Variants in TNR observed in about 807,000 individuals in gnomAD.
TNR encodes tenascin R.
Under a neutral mutation model 150.4 loss-of-function variants are expected in TNR, and 45 were observed. That is an observed-to-expected ratio of 0.30 (90% CI 0.24 to 0.38). The LOEUF (loss-of-function observed/expected upper bound fraction) is 0.38. TNR is among the 10% of genes least tolerant of loss of function. The pLI is 1.00. For synonymous variants in TNR, 687 were observed against 678.4 expected (o/e 1.01, Z -0.20); for missense variants, 1,544 against 1,759.1 (o/e 0.88, Z 2.19).
intron 1 of TNR, among the ~76,000 whole-genome samples, chr1:175,593,147 G>T (rs1040949107): frequency 1.3e-5 from 2 of 152,312 alleles, no homozygotes; most frequent in Admixed American, 6.5e-5. Context: ...GTAGCAATCT[G>T]GTTGGGAGGC....
intron 1 of TNR, among the ~76,000 whole-genome samples, chr1:175,639,695 C>G (rs1049038734): frequency 6.6e-6 from 1 of 152,208 alleles, no homozygotes; most frequent in Non-Finnish European, 1.5e-5. Flanking sequence ...ATGACCTCAT[C>G]CTGGCTAACT....
intron 21 of TNR, among the ~76,000 whole-genome samples, chr1:175,324,953 T>G (rs1407986798): frequency 1.3e-5 from 2 of 152,178 alleles, no homozygotes; most frequent in Non-Finnish European, 2.9e-5. Context: ...TTACCAGGCC[T>G]GCTCAGATGA....
At chr1:175,707,148 A>G (rs544424520) in intron 1 of TNR, among the ~76,000 whole-genome samples, 21 of 152,338 alleles carry the variant, frequency 1.4e-4, no homozygotes, top group Admixed American at 2.6e-4. Flanking sequence ...TTAATTTCAA[A>G]AATAGACATA....
chr1:175,682,939 A>G (rs769791575), intron 1 of TNR, among the ~76,000 whole-genome samples: 5 of 152,168 alleles, frequency 3.3e-5, no homozygotes, highest in Non-Finnish European at 5.9e-5. Context: ...TAGAGCCAGG[A>G]AAGTCCACAA....
At chr1:175,716,341 A>G (rs1244682269) in intron 1 of TNR, among the ~76,000 whole-genome samples, 5 of 152,266 alleles carry the variant, frequency 3.3e-5, no homozygotes, top group Non-Finnish European at 7.4e-5. Context: ...AACTCAAGAC[A>G]TCTCAAATCC....
Position 175,386,125 on chromosome 1 carries a change from G to C in TNR, c.1684C>G (p.Gln562Glu). 1 of 1,613,542 alleles carries C rather than the reference G, an allele frequency of 6.2e-7. No homozygotes were observed. The highest frequency in any genetic ancestry group is 8.5e-7 in the Non-Finnish European group (1 of 1,179,596). Residue 562 changes from glutamine (Q) to glutamate (E), a missense_variant, in exon 8 of 23, where the codon CAG becomes GAG. By Grantham distance (29) the Gln-to-Glu change is conservative. This residue lies in a region of TNR where 1,254 missense variants were observed against 1,329.4 expected (regional missense o/e 0.94). Coordinates refer to ENST00000367674, the MANE Select transcript of TNR (RefSeq NM_003285.3). ...TATCGGGAGCCAGGCCGCAGGGCCT[G>C]CACTGAGTATTGGCTCAGGGGAGGC... ...LQPPLSQYSV[Q>E]ALRPGSRYEV...
rs1056764864 is a variant in TNR at position 175,323,582 on chromosome 1, C to A, written c.3958-106G>T. 6.8e-6 allele frequency: 10 copies of A among 1,472,512 alleles called. No individual in the cohort carries two copies. The South Asian group carries it at 1.2e-4, about 18-fold the overall frequency. The allele number at this position is 1,472,512 out of a possible 1,614,324, so 91.2% of individuals were successfully genotyped here. A position where few individuals can be genotyped will look rare whatever the true frequency, so the allele number is the denominator to read the frequency against. ...CAGGGAATCCACAATGTGGGGTTAG[C>A]TATTTTCAGCTAACATGAAGCTTCA... On this transcript the variant is annotated intron_variant, in intron 22 of 22. Transcript: ENST00000367674.
chr1:175,636,421 T>A (rs1330231724), intron 1 of TNR, among the ~76,000 whole-genome samples: 1 of 152,020 alleles, frequency 6.6e-6, no homozygotes, highest in East Asian at 1.9e-4. Flanking sequence ...CTCATAGTCT[T>A]TCCTTGAGAG....
intron 1 of TNR, among the ~76,000 whole-genome samples, chr1:175,632,952 G>A (rs1364428344): frequency 6.6e-6 from 1 of 152,154 alleles, no homozygotes; most frequent in African/African-American, 2.4e-5. Flanking sequence ...ATAGTCTTTG[G>A]TGGAGTTCTT....
chr1:175,415,288 C>A (rs1055700048), intron 2 of TNR, among the ~76,000 whole-genome samples: 3 of 152,138 alleles, frequency 2.0e-5, no homozygotes, highest in African/African-American at 7.2e-5. Context: ...TCAGTGGAGG[C>A]AGCGCTGGGC....
chr1:175,449,096 TCTGAA>T (rs147526492), intron 2 of TNR, among the ~76,000 whole-genome samples: 1,868 of 152,330 alleles, frequency 0.012, 38 homozygotes, highest in African/African-American at 0.041. Context: ...CTGCAAAGAC[TCTGAA>T]CTGTCTTATC....
chr1:175,493,566 C>CT (rs1363044655), intron 2 of TNR, among the ~76,000 whole-genome samples: 1 of 152,270 alleles, frequency 6.6e-6, no homozygotes, highest in African/African-American at 2.4e-5. Context: ...GAAGCAGCGG[C>CT]TAGCTTTCCA....
chr1:175,416,466 C>T (rs1317590202), intron 2 of TNR, among the ~76,000 whole-genome samples: 1 of 152,170 alleles, frequency 6.6e-6, no homozygotes. Flanking sequence ...AAGCACCTGA[C>T]CTTTTGCTAT....
intron 1 of TNR, among the ~76,000 whole-genome samples, chr1:175,729,028 T>G (rs1667554112): frequency 6.6e-6 from 1 of 152,150 alleles, no homozygotes. Flanking sequence ...AAAGGAGAAC[T>G]GCAAGGGCCT....
At position 175,317,271 on chromosome 1, in the gene TNR, C is replaced by G. The variant is rs1269227257; in HGVS notation, c.*6086G>C. The G allele has an allele frequency of 6.6e-6, 1 of 152,214 alleles. No individual in the cohort carries two copies. The allele number at this position is 152,214 out of a possible 1,614,324, so 9.4% of individuals were successfully genotyped here. Reference sequence around the variant, plus strand: ...GCCTATACCAGACCCGAACTCAGCTCTGTTACTAATTGCCTGTGTGAATGT... The same window carrying G: ...GCCTATACCAGACCCGAACTCAGCTGTGTTACTAATTGCCTGTGTGAATGT... On this transcript the variant is annotated 3_prime_UTR_variant, in exon 23 of 23. Transcript: ENST00000367674.
intron 1 of TNR, among the ~76,000 whole-genome samples, chr1:175,706,956 C>T (rs1439374022): frequency 6.6e-6 from 1 of 152,116 alleles, no homozygotes; most frequent in Admixed American, 6.5e-5. Flanking sequence ...TTGCACAGGT[C>T]AGAAGCAACC....
At position 175,403,636 on chromosome 1, in the gene TNR, G is replaced by A. The variant is rs778291139; in HGVS notation, c.500-20C>T. On this transcript the variant is annotated intron_variant, in intron 3 of 22. Transcript: ENST00000367674. Reference sequence around the variant, plus strand: ...GTTGTCCTGGAATGGTCAAGGAGAAGGTCAAAGAGCAGCAGTGGCCTCTCC... The same window carrying A: ...GTTGTCCTGGAATGGTCAAGGAGAAAGTCAAAGAGCAGCAGTGGCCTCTCC... 5.7e-6 allele frequency: 9 copies of A among 1,591,148 alleles called. No individual in the cohort carries two copies. The highest frequency in any genetic ancestry group is 1.7e-5 in the Admixed American group (1 of 59,318).
chr1:175,409,134 C>G (rs553294762), intron 2 of TNR, among the ~76,000 whole-genome samples: 1 of 152,366 alleles, frequency 6.6e-6, no homozygotes, highest in East Asian at 1.9e-4. Flanking sequence ...TTCTACCCTC[C>G]TATCATTGAA....
intron 2 of TNR, among the ~76,000 whole-genome samples, chr1:175,469,693 C>T (rs1007853785): frequency 6.6e-6 from 1 of 151,994 alleles, no homozygotes; most frequent in Admixed American, 6.6e-5. Context: ...GCTTGGAAGG[C>T]AGGCTAAGGT....
Sources: gnomAD v4.1 joint callset for allele counts (sites outside exome capture counted in the v4.1 genomes callset) on GRCh38, gnomAD v4.1.1 for gene constraint, gnomAD v4.1.1 regional missense constraint, MANE v1.5 for transcripts, NCBI Gene and HGNC (gene_info 2026-07-23, HGNC 2026-07-21) for gene names.